Variants in NOS2 observed in about 807,000 individuals in gnomAD.
The protein encoded by NOS2 is nitric oxide synthase 2.
Under a neutral mutation model 136.0 loss-of-function variants are expected in NOS2, and 96 were observed. The ratio of observed to expected loss-of-function variants is 0.71; its 90% CI spans 0.60 to 0.84. NOS2 has a LOEUF of 0.84. Ranked by LOEUF, NOS2 falls within the 40% of genes least tolerant of loss-of-function variation. The pLI, the probability that NOS2 is intolerant of heterozygous loss-of-function variation, is 0.00. For missense variants in NOS2, 1,237 were observed against 1,496.9 expected, an observed-to-expected ratio of 0.83 and a Z score of 2.87; for synonymous variants, 539 against 587.5, an observed-to-expected ratio of 0.92 and a Z score of 1.20.
intron 26 of NOS2, among the ~76,000 whole-genome samples, chr17:27,757,675 GA>G (rs2151323546): frequency 6.6e-6 from 1 of 152,278 alleles, no homozygotes; most frequent in South Asian, 2.1e-4. Flanking sequence ...TTCCAGCCTT[GA>G]AGGGTCCTGA....
Position 27,770,952 on chromosome 17 carries a change from G to A in NOS2, c.1770C>T (p.Thr590=). The change falls in exon 15 of 27, where the codon ACC becomes ACT. Residue 590 remains threonine (T), a synonymous_variant. Transcript: ENST00000313735. ...LEEERLLLVV[T]STFGNGDCPG... is the part of the protein sequence containing the mutation. ...GGCAGTCTCCATTGCCAAACGTACT[G>A]GTCACCACCAACAGCAGCCGTTCCT... 1 of 1,614,024 alleles carries A rather than the reference G, an allele frequency of 6.2e-7. No individual in the cohort carries two copies. Among genetic ancestry groups the A allele is most frequent in the East Asian group, 2.2e-5 (1 of 44,874 alleles).
At chr17:27,761,789 T>C (rs1231665968) in intron 22 of NOS2, among the ~76,000 whole-genome samples, 3 of 152,132 alleles carry the variant, frequency 2.0e-5, no homozygotes, top group Non-Finnish European at 4.4e-5. Context: ...CCAGGAGGTC[T>C]CTCTGGGTTG....
In NOS2 at chr17:27,762,858, G is replaced by T. The variant is rs767806769; in HGVS notation, c.2740C>A (p.Arg914=). Residue 914 remains arginine (R), a synonymous_variant, in exon 22 of 27, where the codon CGG becomes AGG. Coordinates refer to ENST00000313735, the MANE Select transcript of NOS2 (RefSeq NM_000625.4). ...TGGATCTCTGTGGGCGTGTGATCCC[G>T]GGAGGAGCTGATGGAGTAGAACCTG... The part of the protein sequence containing the change: ...KPRFYSISSS[R]DHTPTEIHLT... 10 of 1,573,558 alleles carry T rather than the reference G, an allele frequency of 6.4e-6. No homozygotes were observed. The South Asian group carries it at 1.2e-4, about 18-fold the overall frequency.
chr17:27,769,540 TTTG>T lies in NOS2; in HGVS notation c.1851_1853del (p.Asn617del). 1 of 1,613,306 alleles carries T rather than the reference TTTG, an allele frequency of 6.2e-7. No homozygotes were observed. Among genetic ancestry groups the T allele is most frequent in the South Asian group, 1.1e-5 (1 of 91,058 alleles). On this transcript the variant is annotated inframe_deletion, in exon 16 of 27. Coordinates refer to ENST00000313735, the MANE Select transcript of NOS2 (RefSeq NM_000625.4). Reference sequence around the variant, plus strand: ...GACAACGGAAAAAGCTTTACCTGAATTTGTTGTTGAGCTCTTTCAGCATGAAGA... The same window carrying T: ...GACAACGGAAAAAGCTTTACCTGAATTTGTTGAGCTCTTTCAGCATGAAGA...
At chr17:27,759,431 G>C (rs991071929) in intron 25 of NOS2, among the ~76,000 whole-genome samples, 2 of 152,170 alleles carry the variant, frequency 1.3e-5, no homozygotes, top group East Asian at 3.9e-4. Flanking sequence ...TCTCAATGCA[G>C]TCTACCCATT....
chr17:27,774,259 G>C lies in NOS2; in HGVS notation c.1474C>G (p.Gln492Glu), dbSNP rs1307306886. 6.7e-7 allele frequency: 1 copy of C among 1,495,000 alleles called. No homozygotes were observed. The highest frequency in any genetic ancestry group is 1.4e-5 in the African/African-American group (1 of 70,664). 92.6% of individuals were successfully genotyped at this position (1,495,000 alleles called of 1,614,324 possible). A position where few individuals can be genotyped will look rare whatever the true frequency, so the allele number is the denominator to read the frequency against. ...GAGAGAAGAGGAAGGCCCCTAACCT[G>C]ATAGTAGTAGAAAGGGGACAGGACG... is the stretch of plus-strand genomic sequence containing the variant. ...NYVLSPFYYY[Q>E]VEAWKTHVWQ... The change falls in exon 12 of 27, where the codon CAG (glutamine) becomes GAG (glutamate). Residue 492 changes from glutamine to glutamate, a missense_variant and splice_region_variant. Around this residue, in one of 3 missense-constraint regions of NOS2, gnomAD observed 782 missense variants for 909.9 expected, o/e 0.86. Coordinates refer to ENST00000313735, the MANE Select transcript of NOS2 (RefSeq NM_000625.4).
At chr17:27,786,976 A>G (rs1214724740) in intron 5 of NOS2, among the ~76,000 whole-genome samples, 2 of 152,240 alleles carry the variant, frequency 1.3e-5, no homozygotes, top group Non-Finnish European at 1.5e-5. Flanking sequence ...CAACCAAATG[A>G]CCAATTGGCC....
At chr17:27,780,658 T>C (rs1908813147) in intron 9 of NOS2, 109 bp downstream of exon 9, 3 of 1,429,104 alleles carry the variant, frequency 2.1e-6, no homozygotes, top group Non-Finnish European at 2.9e-6. Context: ...TGTCACCTGC[T>C]GCTGGCTGGG....
intron 11 of NOS2, 42 bp from the exon 12 acceptor site, chr17:27,774,493 G>A: frequency 7.9e-6 from 11 of 1,387,046 alleles, no homozygotes; most frequent in East Asian, 2.8e-5. Flanking sequence ...TAAGGGTGGG[G>A]GAATCAGGAG....
intron 24 of NOS2, 101 bp from the exon 25 acceptor site, chr17:27,760,279 T>C (rs1352960985): frequency 8.1e-7 from 1 of 1,229,138 alleles, no homozygotes; most frequent in Non-Finnish European, 1.1e-6. Flanking sequence ...AGCTATTTAA[T>C]AGCATTATCC....
intron 14 of NOS2, 50 bp downstream of exon 14, chr17:27,772,258 T>A: frequency 6.2e-7 from 1 of 1,605,238 alleles, no homozygotes; most frequent in Admixed American, 1.7e-5. Context: ...TTTCCTAGAC[T>A]CCCCTGCACA....
At chr17:27,789,922 C>T (rs1909141251) in intron 2 of NOS2, among the ~76,000 whole-genome samples, 1 of 152,202 alleles carries the variant, frequency 6.6e-6, no homozygotes, top group African/African-American at 2.4e-5. Context: ...GCCAAAGCTA[C>T]TGGCCCAAAC....
At chr17:27,761,449 C>T (rs1306717117) in intron 22 of NOS2, among the ~76,000 whole-genome samples, 1 of 152,136 alleles carries the variant, frequency 6.6e-6, no homozygotes, top group African/African-American at 2.4e-5. Context: ...CAAGTTGCTC[C>T]TTCTGCCCAA....
At chr17:27,790,076 T>C (rs1401328803) in intron 2 of NOS2, among the ~76,000 whole-genome samples, 3 of 152,212 alleles carry the variant, frequency 2.0e-5, no homozygotes, top group African/African-American at 7.2e-5. Context: ...GCCACTTGGA[T>C]TGGTTGACTG....
At chr17:27,787,971 T>C in intron 4 of NOS2, 145 bp from the exon 5 acceptor site, 1 of 794,062 alleles carries the variant, frequency 1.3e-6, no homozygotes, top group Non-Finnish European at 2.0e-6. Flanking sequence ...ACCTCCTCCT[T>C]GGGGTCCACC....
intron 6 of NOS2, 97 bp downstream of exon 6, chr17:27,782,847 A>G: frequency 8.1e-7 from 1 of 1,241,732 alleles, no homozygotes; most frequent in East Asian, 2.4e-5. Flanking sequence ...CTTCAGTCCC[A>G]GGAGGCCTGG....
chr17:27,795,065 C>T (rs1012865207), intron 2 of NOS2, among the ~76,000 whole-genome samples: 1 of 151,900 alleles, frequency 6.6e-6, no homozygotes, highest in East Asian at 1.9e-4. Context: ...TCCCAGTACA[C>T]CCACAACTAC....
chr17:27,778,718 A>C lies in NOS2; in HGVS notation c.1253T>G (p.Ile418Ser), dbSNP rs753752356. 6.2e-7 allele frequency: 1 copy of C among 1,614,148 alleles called. No individual in the cohort carries two copies. Among genetic ancestry groups the C allele is most frequent in the Non-Finnish European group, 8.5e-7 (1 of 1,180,006 alleles). The change falls in exon 11 of 27, where the codon ATC becomes AGC. Residue 418 changes from isoleucine to serine, a missense_variant. Physicochemically the swap from Ile to Ser is moderately radical, Grantham distance 142. Around this residue, in one of 3 missense-constraint regions of NOS2, gnomAD observed 440 missense variants for 545.4 expected, o/e 0.81. Coordinates refer to ENST00000313735, the MANE Select transcript of NOS2 (RefSeq NM_000625.4). ...GAAACTATGGAGCACAGCAATGTTG[A>C]TCTCAACGACAGCCTGGTCTTTCCA... ...SLWKDQAVVE[I>S]NIAVLHSFQK... is the part of the protein sequence containing the mutation.
chr17:27,765,680 A>C lies in NOS2; in HGVS notation c.2283T>G (p.Asp761Glu). The change falls in exon 20 of 27, where the codon GAT (aspartate) becomes GAG (glutamate). Residue 761 changes from aspartate (D) to glutamate (E), a missense_variant. By Grantham distance (45) the Asp-to-Glu change is conservative. Around this residue, in one of 3 missense-constraint regions of NOS2, gnomAD observed 782 missense variants for 909.9 expected, o/e 0.86. Coordinates refer to ENST00000313735, the MANE Select transcript of NOS2 (RefSeq NM_000625.4). ...ATILVELSCE[D>E]GQGLNYLPGE... ...CCGGCAGGTAGTTCAGGCCTTGGCCATCCTCACAGGAGAGTTCCACCAGGA... is the reference window on the plus strand; with the variant it reads ...CCGGCAGGTAGTTCAGGCCTTGGCCCTCCTCACAGGAGAGTTCCACCAGGA... The C allele has an allele frequency of 6.2e-7, 1 of 1,613,004 alleles. No homozygotes were observed. Among genetic ancestry groups the C allele is most frequent in the Non-Finnish European group, 8.5e-7 (1 of 1,179,750 alleles).
Sources: gnomAD v4.1 joint callset for allele counts (sites outside exome capture counted in the v4.1 genomes callset) on GRCh38, gnomAD v4.1.1 for gene constraint, gnomAD v4.1.1 regional missense constraint, MANE v1.5 for transcripts, NCBI Gene and HGNC (gene_info 2026-07-23, HGNC 2026-07-21) for gene names.